The following PCDHGB1 variants were observed in gnomAD, a reference collection of about 807,000 sequenced individuals.
The protein encoded by PCDHGB1 is protocadherin gamma-B1.
A neutral mutation model predicts 56.6 loss-of-function variants in PCDHGB1; 34 were observed. The observed-to-expected ratio is 0.60, with a 90% CI of 0.46 to 0.80. The LOEUF is 0.80. Among genes scored for constraint, PCDHGB1 ranks in the 30% least tolerant of loss-of-function variants. The pLI is 0.00. For missense variants in PCDHGB1, 1,278 were observed against 1,204.6 expected (o/e 1.06, Z -0.90); for synonymous variants, 561 against 505.9 (o/e 1.11, Z -1.46).
intron 1 of PCDHGB1, chr5:141,366,446 G>T: frequency 6.2e-7 from 1 of 1,614,178 alleles, no homozygotes; most frequent in South Asian, 1.1e-5. Context: ...CGTCTTCCTG[G>T]CCTTCGTCAT....
chr5:141,438,651 CAT>C (rs2098045358), intron 1 of PCDHGB1, among the ~76,000 whole-genome samples: 1 of 83,744 alleles, frequency 1.2e-5, no homozygotes, highest in East Asian at 3.2e-4. Context: ...CACACACACA[CAT>C]ATATGTATAT....
chr5:141,445,245 T>C (rs2098460607), intron 1 of PCDHGB1, among the ~76,000 whole-genome samples: 1 of 152,212 alleles, frequency 6.6e-6, no homozygotes, highest in Non-Finnish European at 1.5e-5. Flanking sequence ...TTACACTATA[T>C]TGTGTGAGAA....
intron 1 of PCDHGB1, chr5:141,408,283 C>A: frequency 6.2e-7 from 1 of 1,612,756 alleles, no homozygotes; most frequent in Non-Finnish European, 8.5e-7. Context: ...TGTTCTACCC[C>A]ACCCTGAGTG....
intron 1 of PCDHGB1, chr5:141,424,160 C>A (rs187420643): frequency 6.3e-4 from 172 of 273,324 alleles, no homozygotes; most frequent in South Asian, 2.2e-3. Flanking sequence ...CTCTCCTTCT[C>A]ATCTATCTAT....
chr5:141,393,016 C>G, intron 1 of PCDHGB1: 1 of 1,613,872 alleles, frequency 6.2e-7, no homozygotes, highest in East Asian at 2.2e-5. Flanking sequence ...CGTATCGTCT[C>G]CAGAGGTAGG....
chr5:141,362,224 G>A (rs1762382542), intron 1 of PCDHGB1: 1 of 1,613,904 alleles, frequency 6.2e-7, no homozygotes, highest in African/African-American at 1.3e-5. Flanking sequence ...TGTGGCCTTG[G>A]CCTTGATCTC....
rs2092149511 is a variant in PCDHGB1 at position 141,390,449 on chromosome 5, G to A, written c.2409+37780G>A. The A allele has an allele frequency of 4.8e-6, 4 of 829,790 alleles. No individual in the cohort carries two copies. In the Admixed American group the frequency reaches 8.7e-5, roughly 18 times the overall value. 51.4% of individuals were successfully genotyped at this position (829,790 alleles called of 1,614,324 possible). ...TGTCATATCATTCTACAAAGGAGGAGTAAAGTAGGAGCAATTGTGTGGCCC... is the reference window on the plus strand; with the variant it reads ...TGTCATATCATTCTACAAAGGAGGAATAAAGTAGGAGCAATTGTGTGGCCC... On this transcript the variant is annotated intron_variant, in intron 1 of 3. Coordinates refer to ENST00000523390, the MANE Select transcript of PCDHGB1 (RefSeq NM_018922.3).
At chr5:141,362,673 A>T (rs1474121770) in intron 1 of PCDHGB1, 1 of 1,246,170 alleles carries the variant, frequency 8.0e-7, no homozygotes, top group African/African-American at 1.5e-5. Context: ...GTTGTGCCTT[A>T]ATTGTCTTAA....
At chr5:141,495,013 T>C (rs2099758300) in intron 2 of PCDHGB1, 148 bp downstream of exon 2, 12 of 1,511,014 alleles carry the variant, frequency 7.9e-6, no homozygotes, top group Non-Finnish European at 1.1e-5. Context: ...TGCGGGGGGC[T>C]GGCACACAGA....
chr5:141,403,109 G>T, intron 1 of PCDHGB1: 2 of 1,614,074 alleles, frequency 1.2e-6, no homozygotes, highest in Non-Finnish European at 1.7e-6. Flanking sequence ...CAAGGACCTG[G>T]CTCTGGAGCC....
At chr5:141,441,730 A>T in intron 1 of PCDHGB1, 1 of 362,750 alleles carries the variant, frequency 2.8e-6, no homozygotes, top group South Asian at 2.2e-5. Context: ...CGCGACCAGG[A>T]CTAGCTCGCG....
chr5:141,423,085 G>A, intron 1 of PCDHGB1: 1 of 1,614,072 alleles, frequency 6.2e-7, no homozygotes, highest in Non-Finnish European at 8.5e-7. Flanking sequence ...ACTCTTCGCG[G>A]TGGGGGAGCA....
intron 1 of PCDHGB1, chr5:141,382,794 C>T (rs764593779): frequency 9.0e-5 from 88 of 974,042 alleles, no homozygotes; most frequent in Admixed American, 2.4e-5. Context: ...CTCTATCCTG[C>T]TGGATTCTGA....
At chr5:141,364,420 G>C (rs1763313585) in intron 1 of PCDHGB1, 1 of 1,613,554 alleles carries the variant, frequency 6.2e-7, no homozygotes. Flanking sequence ...GATCCGGGCA[G>C]ATCCGCTACT....
chr5:141,414,667 G>C, intron 1 of PCDHGB1: 1 of 1,614,002 alleles, frequency 6.2e-7, no homozygotes, highest in Non-Finnish European at 8.5e-7. Flanking sequence ...CCTGGCTGAA[G>C]ACACCATCCA....
chr5:141,364,257 C>T, intron 1 of PCDHGB1: 1 of 1,495,330 alleles, frequency 6.7e-7, no homozygotes, highest in Non-Finnish European at 8.9e-7. Flanking sequence ...GGAATATGTA[C>T]CCATCGGCTT....
chr5:141,361,219 C>T, intron 1 of PCDHGB1: 2 of 1,613,924 alleles, frequency 1.2e-6, no homozygotes, highest in Non-Finnish European at 1.7e-6. Flanking sequence ...GGATTCGCCA[C>T]CAGGAACAGT....
intron 1 of PCDHGB1, among the ~76,000 whole-genome samples, chr5:141,438,149 A>G (rs1441404688): frequency 6.6e-6 from 1 of 152,220 alleles, no homozygotes; most frequent in African/African-American, 2.4e-5. Context: ...TAGCCAGCCT[A>G]TGGCAAAGCT....
intron 1 of PCDHGB1, among the ~76,000 whole-genome samples, chr5:141,439,631 A>C (rs1459977985): frequency 2.0e-5 from 3 of 152,214 alleles, no homozygotes; most frequent in Non-Finnish European, 2.9e-5. Context: ...ATCCCCAGAC[A>C]TTCCGGCTTG....
Sources: allele counts gnomAD v4.1 joint callset (sites outside exome capture counted in the v4.1 genomes callset), GRCh38; gene constraint gnomAD v4.1.1; transcripts MANE v1.5; gene names NCBI Gene and HGNC (gene_info 2026-07-23, HGNC 2026-07-21).